GPC3: variants seen among roughly 807,000 people sequenced by gnomAD.
GPC3 encodes the protein glypican-3.
In GPC3, 3 loss-of-function variants were observed where a neutral mutation model predicts 34.4. That is an observed-to-expected ratio of 0.09 (90% CI 0.04 to 0.23). GPC3 has a LOEUF of 0.23. Among genes scored for constraint, GPC3 ranks in the 10% least tolerant of loss-of-function variants. The probability of loss-of-function intolerance (pLI) is 1.00; values close to 1 mark genes in which losing one functional copy is unlikely to be tolerated. For synonymous variants in GPC3, 177 were observed against 174.0 expected, an observed-to-expected ratio of 1.02 and a Z score of -0.13; for missense variants, 351 against 445.6, an observed-to-expected ratio of 0.79 and a Z score of 1.91.
intron 1 of GPC3, among the ~76,000 whole-genome samples, chrX:133,966,673 A>T (rs780497225): frequency 8.9e-6 from 1 of 112,147 alleles, no homozygotes; most frequent in South Asian, 3.7e-4. Context: ...AAGAAAATCA[A>T]ACACTCACTC....
chrX:133,939,181 A>C (rs926893354), intron 2 of GPC3, among the ~76,000 whole-genome samples: 2 of 111,758 alleles, frequency 1.8e-5, no homozygotes, highest in Non-Finnish European at 3.8e-5. Context: ...ATGTTGATGA[A>C]GTCAAGACAC....
intron 7 of GPC3, among the ~76,000 whole-genome samples, chrX:133,558,235 C>CT (rs887271224): frequency 5.5e-5 from 6 of 109,893 alleles, no homozygotes; most frequent in African/African-American, 1.7e-4. Context: ...GCAAATCTTT[C>CT]TTTTTTTCCT....
chrX:133,982,219 T>G (rs932833930), intron 1 of GPC3, among the ~76,000 whole-genome samples: 1 of 112,067 alleles, frequency 8.9e-6, no homozygotes, highest in Non-Finnish European at 1.9e-5. Context: ...TCTAGACTTA[T>G]GAGCTCATTG....
intron 2 of GPC3, among the ~76,000 whole-genome samples, chrX:133,935,249 G>A (rs1407854794): frequency 1.8e-5 from 2 of 111,106 alleles, no homozygotes; most frequent in African/African-American, 3.3e-5. Context: ...TGAATGGCTC[G>A]GCAGAATAAA....
intron 7 of GPC3, among the ~76,000 whole-genome samples, chrX:133,558,533 C>G (rs984556357): frequency 9.0e-6 from 1 of 110,817 alleles, no homozygotes; most frequent in South Asian, 3.9e-4. Flanking sequence ...GGGTTGAAAA[C>G]GTATCAAATT....
intron 2 of GPC3, among the ~76,000 whole-genome samples, chrX:133,917,140 C>T (rs746202224): frequency 5.0e-4 from 56 of 111,867 alleles, no homozygotes; most frequent in African/African-American, 1.8e-3. Context: ...CACAGAAAGT[C>T]GTTCTAATAC....
intron 2 of GPC3, among the ~76,000 whole-genome samples, chrX:133,858,541 T>C (rs191523062): frequency 1.8e-5 from 2 of 111,738 alleles, no homozygotes; most frequent in East Asian, 5.7e-4. Context: ...AATTTCTGAC[T>C]GCAGATTAAT....
At chrX:133,775,310 T>C (rs2071967898) in intron 2 of GPC3, among the ~76,000 whole-genome samples, 1 of 111,374 alleles carries the variant, frequency 9.0e-6, no homozygotes, top group Admixed American at 9.6e-5. Context: ...TTCAGTCTCT[T>C]CAAAGTGAAT....
chrX:133,847,413 C>A (rs1489185938), intron 2 of GPC3, among the ~76,000 whole-genome samples: 2 of 112,183 alleles, frequency 1.8e-5, no homozygotes, highest in African/African-American at 6.5e-5. Flanking sequence ...GCGGATTTCA[C>A]ATGCTCTCAA....
chrX:133,727,424 C>T (rs537806194), intron 3 of GPC3, among the ~76,000 whole-genome samples: 7 of 110,362 alleles, frequency 6.3e-5, no homozygotes, highest in South Asian at 7.9e-4. Flanking sequence ...GTGGCAGGTG[C>T]CTGTAATCCC....
At chrX:133,567,790 A>G (rs2069594907) in intron 7 of GPC3, among the ~76,000 whole-genome samples, 1 of 112,264 alleles carries the variant, frequency 8.9e-6, no homozygotes, top group African/African-American at 3.2e-5. Flanking sequence ...GCCCACTTAT[A>G]ACACATGCTT....
At chrX:133,637,156 G>A (rs751325419) in intron 6 of GPC3, among the ~76,000 whole-genome samples, 3 of 111,696 alleles carry the variant, frequency 2.7e-5, no homozygotes, top group Non-Finnish European at 5.6e-5. Flanking sequence ...AAAATCAAGT[G>A]GGAAGAATGA....
intron 7 of GPC3, among the ~76,000 whole-genome samples, chrX:133,542,117 C>T (rs1331589481): frequency 8.9e-6 from 1 of 112,199 alleles, no homozygotes; most frequent in Non-Finnish European, 1.9e-5. Context: ...TCAGTTGCTT[C>T]CCTTGGGATG....
intron 1 of GPC3, among the ~76,000 whole-genome samples, chrX:133,954,841 G>A (rs1287006044): frequency 1.0e-5 from 1 of 96,714 alleles, no homozygotes; most frequent in African/African-American, 3.9e-5. Context: ...TCCACCTCCC[G>A]GGTTCAAGGG....
At chrX:133,581,799 C>T (rs750675871) in intron 7 of GPC3, among the ~76,000 whole-genome samples, 1 of 112,372 alleles carries the variant, frequency 8.9e-6, no homozygotes, top group Non-Finnish European at 1.9e-5. Context: ...GGAGTCAGAA[C>T]TTCACTCCAT....
intron 2 of GPC3, among the ~76,000 whole-genome samples, chrX:133,785,747 C>T (rs2072094740): frequency 8.9e-6 from 1 of 111,909 alleles, no homozygotes; most frequent in Admixed American, 9.5e-5. Context: ...GACATGATGT[C>T]TAATCAAGTA....
intron 2 of GPC3, among the ~76,000 whole-genome samples, chrX:133,868,938 A>G (rs1285597382): frequency 8.9e-6 from 1 of 112,276 alleles, no homozygotes; most frequent in East Asian, 2.8e-4. Flanking sequence ...TTTTAGGGCT[A>G]ATAACTAAAA....
Position 133,596,461 on chromosome X carries a change from T to C in GPC3, c.1552A>G (p.Asn518Asp). Reference protein sequence around the residue: ...GSGDGMIKVKNQLRFLAELAY... With the variant: ...GSGDGMIKVKDQLRFLAELAY... ...TTACCTGCAAGGAAGCGGAGCTGAT[T>C]CTTCACTTTTATCATTCCATCACCA... Residue 518 changes from asparagine to aspartate, a missense_variant, in exon 7 of 8, where the codon AAT becomes GAT. Coordinates refer to ENST00000370818, the MANE Select transcript of GPC3 (RefSeq NM_004484.4). 2.5e-6 allele frequency: 3 copies of C among 1,209,997 alleles called. No homozygotes were observed. The highest frequency in any genetic ancestry group is 3.4e-6 in the Non-Finnish European group (3 of 893,877).
At position 133,960,558 on chromosome X, in the gene GPC3, G is replaced by A. The variant is rs112250026; in HGVS notation, c.176-7347C>T. ...TGATCCTTACACTTTTCTAAGAGCA[G>A]ATAAAGCATATTCAAACAGCAACAG... On this transcript the variant is annotated intron_variant, in intron 1 of 7. Transcript: ENST00000370818. 5.0e-3 allele frequency among the ~76,000 whole-genome samples: 561 copies of A among 111,572 alleles called. 3 individuals carry two copies. The highest frequency in any genetic ancestry group is 0.03 in the South Asian group (79 of 2,637).
Sources: allele counts gnomAD v4.1 joint callset (sites outside exome capture counted in the v4.1 genomes callset), GRCh38; gene constraint gnomAD v4.1.1; transcripts MANE v1.5; gene names NCBI Gene and HGNC (gene_info 2026-07-23, HGNC 2026-07-21).